The following AKAP13 variants were observed in gnomAD, a reference collection of about 807,000 sequenced individuals.
The protein encoded by AKAP13 is A-kinase anchor protein 13.
AKAP13 carries 80 observed loss-of-function variants against 264.5 expected under a neutral mutation model. The observed-to-expected ratio is 0.30, with a 90% CI of 0.25 to 0.36. AKAP13 has a LOEUF of 0.36. AKAP13 is among the 10% of genes least tolerant of loss of function. The pLI, the probability that AKAP13 is intolerant of heterozygous loss-of-function variation, is 1.00. For missense variants in AKAP13, 3,712 were observed against 3,435.2 expected (o/e 1.08, Z -2.01); for synonymous variants, 1,380 against 1,250.2 (o/e 1.10, Z -2.19).
intron 12 of AKAP13, among the ~76,000 whole-genome samples, chr15:85,663,180 G>A (rs2083438689): frequency 6.6e-6 from 1 of 152,052 alleles, no homozygotes; most frequent in Non-Finnish European, 1.5e-5. Flanking sequence ...CACGGTAGCA[G>A]GTGCCTGTAA....
chr15:85,674,775 G>T (rs1271738314), intron 14 of AKAP13, among the ~76,000 whole-genome samples: 1 of 151,846 alleles, frequency 6.6e-6, no homozygotes, highest in African/African-American at 2.4e-5. Flanking sequence ...TTTTATCTCT[G>T]TTTTCTGGAT....
At chr15:85,639,928 A>G (rs938778536) in intron 9 of AKAP13, among the ~76,000 whole-genome samples, 4 of 152,214 alleles carry the variant, frequency 2.6e-5, no homozygotes, top group Non-Finnish European at 5.9e-5. Context: ...CTGTGTACCC[A>G]AGGTTGAGAA....
At chr15:85,599,496 C>G (rs143270961) in intron 8 of AKAP13, among the ~76,000 whole-genome samples, 1 of 152,106 alleles carries the variant, frequency 6.6e-6, no homozygotes, top group Non-Finnish European at 1.5e-5. Flanking sequence ...GACATTTGCT[C>G]CTGGGTGTCA....
At chr15:85,565,752 G>A (rs993333873) in intron 5 of AKAP13, among the ~76,000 whole-genome samples, 1 of 152,206 alleles carries the variant, frequency 6.6e-6, no homozygotes, top group Non-Finnish European at 1.5e-5. Context: ...CACCTAAGAA[G>A]GAGAGTGGAC....
At chr15:85,423,235 C>G (rs1380574403) in intron 1 of AKAP13, among the ~76,000 whole-genome samples, 2 of 152,198 alleles carry the variant, frequency 1.3e-5, no homozygotes, top group African/African-American at 4.8e-5. Context: ...TTGATTGACT[C>G]TCCTTGACAA....
intron 1 of AKAP13, among the ~76,000 whole-genome samples, chr15:85,385,617 A>T (rs1047731777): frequency 4.6e-5 from 7 of 152,220 alleles, no homozygotes; most frequent in Non-Finnish European, 1.0e-4. Flanking sequence ...AATGTTGTAA[A>T]AATGGAATCA....
intron 8 of AKAP13, among the ~76,000 whole-genome samples, chr15:85,630,209 AT>A (rs1364076262): frequency 0.17 from 5,072 of 30,372 alleles, 327 homozygotes; most frequent in Non-Finnish European, 0.21. Context: ...ACACACACAC[AT>A]CATGAACTAA....
At chr15:85,436,674 C>T (rs12917296) in intron 1 of AKAP13, among the ~76,000 whole-genome samples, 34,083 of 143,096 alleles carry the variant, frequency 0.24, 5,466 homozygotes, top group Non-Finnish European at 0.36. Flanking sequence ...CACTCAAAGC[C>T]GCTCAACTAC....
chr15:85,582,821 C>T, intron 7 of AKAP13: 1 of 973,382 alleles, frequency 1.0e-6, no homozygotes, highest in Non-Finnish European at 1.2e-6. Flanking sequence ...TGCAGGATTT[C>T]CGCCCAAGCC....
intron 1 of AKAP13, among the ~76,000 whole-genome samples, chr15:85,398,841 A>G (rs768591451): frequency 6.6e-6 from 1 of 152,190 alleles, no homozygotes; most frequent in Non-Finnish European, 1.5e-5. Context: ...CAAGTAACTG[A>G]CATAGTTATT....
At chr15:85,436,697 C>A (rs867863931) in intron 1 of AKAP13, among the ~76,000 whole-genome samples, 1 of 149,506 alleles carries the variant, frequency 6.7e-6, no homozygotes, top group South Asian at 2.2e-4. Context: ...GGAAACTGAA[C>A]AACCTGCTCC....
At position 85,695,700 on chromosome 15, in the gene AKAP13, C is replaced by T. The variant is rs535689376; in HGVS notation, c.5464+2249C>T. Among the ~76,000 whole-genome samples the T allele has an allele frequency of 4.6e-5, 7 of 152,360 alleles. No individual in the cohort carries two copies. In the South Asian group the frequency reaches 1.4e-3, roughly 32 times the overall value. Reference sequence around the variant, plus strand: ...CCATGAGAGCTCTCACCCGAATCCTCATGCATCCCTGTGGGCAGAGATCAC... The same window carrying T: ...CCATGAGAGCTCTCACCCGAATCCTTATGCATCCCTGTGGGCAGAGATCAC... On this transcript the variant is annotated intron_variant, in intron 17 of 36. Coordinates refer to ENST00000394518, the MANE Select transcript of AKAP13 (RefSeq NM_007200.5).
At chr15:85,385,336 C>T (rs2070503117) in intron 1 of AKAP13, among the ~76,000 whole-genome samples, 1 of 152,146 alleles carries the variant, frequency 6.6e-6, no homozygotes. Flanking sequence ...AAAGTTCACT[C>T]AGCACATCAT....
At chr15:85,409,497 TG>T (rs1211555900) in intron 1 of AKAP13, among the ~76,000 whole-genome samples, 3 of 151,446 alleles carry the variant, frequency 2.0e-5, no homozygotes, top group African/African-American at 7.3e-5. Flanking sequence ...TTTTTTAAAT[TG>T]GTTGTAGGAA....
chr15:85,536,487 T>A (rs1180928362), intron 4 of AKAP13: 1 of 152,256 alleles, frequency 6.6e-6, no homozygotes, highest in Non-Finnish European at 1.5e-5. Context: ...CCTAGAGAAA[T>A]GAAAATCTGT....
intron 17 of AKAP13, among the ~76,000 whole-genome samples, chr15:85,704,905 C>T (rs1440822128): frequency 6.6e-6 from 1 of 152,162 alleles, no homozygotes; most frequent in Non-Finnish European, 1.5e-5. Context: ...ATCACCCACG[C>T]ACAGCTCTAA....
At chr15:85,411,826 G>C (rs111325993) in intron 1 of AKAP13, among the ~76,000 whole-genome samples, 2,249 of 152,312 alleles carry the variant, frequency 0.015, 59 homozygotes, top group African/African-American at 0.051. Context: ...TTATTTGGCA[G>C]ATACCTTCTT....
chr15:85,547,949 G>A (rs1195074902), intron 5 of AKAP13, among the ~76,000 whole-genome samples: 1 of 152,172 alleles, frequency 6.6e-6, no homozygotes, highest in Non-Finnish European at 1.5e-5. Flanking sequence ...TAGTAATGGA[G>A]AGAATAGGTA....
At chr15:85,740,902 T>C in intron 34 of AKAP13, 144 bp from the exon 35 acceptor site, 1 of 1,385,996 alleles carries the variant, frequency 7.2e-7, no homozygotes, top group Non-Finnish European at 9.6e-7. Context: ...CCTGGAGCAT[T>C]TTTATGAGAC....
Sources: gnomAD v4.1 joint callset for allele counts (sites outside exome capture counted in the v4.1 genomes callset) on GRCh38, gnomAD v4.1.1 for gene constraint, MANE v1.5 for transcripts, NCBI Gene and HGNC (gene_info 2026-07-23, HGNC 2026-07-21) for gene names.